DTNB: variants seen among roughly 807,000 people sequenced by gnomAD.
DTNB encodes the protein DTN-B.
A neutral mutation model predicts 90.7 loss-of-function variants in DTNB; 63 were observed. The observed-to-expected ratio is 0.69, with a 90% CI of 0.57 to 0.86. The LOEUF (loss-of-function observed/expected upper bound fraction) is 0.86, where lower values mean the gene tolerates loss of function less well. Among genes scored for constraint, DTNB ranks in the 40% least tolerant of loss-of-function variants. The probability of loss-of-function intolerance (pLI) is 0.00; values close to 1 mark genes in which losing one functional copy is unlikely to be tolerated. For missense variants in DTNB, 744 were observed against 807.1 expected (o/e 0.92, Z 0.95); for synonymous variants, 277 against 286.7 (o/e 0.97, Z 0.34).
intron 12 of DTNB, among the ~76,000 whole-genome samples, chr2:25,434,399 C>CTTTTTTTTTTTTT (rs1179596539): frequency 2.1e-5 from 2 of 95,506 alleles, no homozygotes; most frequent in Non-Finnish European, 4.0e-5. Flanking sequence ...ATGAACTAGT[C>CTTTTTTTTTTTTT]TTTTTTTTTT....
intron 9 of DTNB, among the ~76,000 whole-genome samples, chr2:25,488,921 G>A (rs1431967905): frequency 6.6e-6 from 1 of 152,220 alleles, no homozygotes; most frequent in African/African-American, 2.4e-5. Context: ...AAAGTGCTGG[G>A]GTTACAGGCG....
intron 3 of DTNB, among the ~76,000 whole-genome samples, chr2:25,632,200 A>G (rs1303094107): frequency 6.6e-6 from 1 of 151,454 alleles, no homozygotes; most frequent in African/African-American, 2.4e-5. Context: ...CTCAAAAAAA[A>G]AAAAAAAAAA....
intron 3 of DTNB, among the ~76,000 whole-genome samples, chr2:25,635,728 G>C (rs2076985465): frequency 6.6e-6 from 1 of 152,178 alleles, no homozygotes; most frequent in South Asian, 2.1e-4. Context: ...GGTTTTAGTA[G>C]AAATTGGCAA....
chr2:25,613,429 A>C (rs1445383494), intron 4 of DTNB, among the ~76,000 whole-genome samples: 5 of 152,064 alleles, frequency 3.3e-5, no homozygotes, highest in Admixed American at 1.3e-4. Flanking sequence ...CCCTGTGTCT[A>C]CTGTTCCCAT....
intron 9 of DTNB, among the ~76,000 whole-genome samples, chr2:25,514,029 A>G (rs2074493815): frequency 6.6e-6 from 1 of 152,106 alleles, no homozygotes; most frequent in Admixed American, 6.6e-5. Flanking sequence ...CTTGCTTTCA[A>G]AGAACTTACA....
At chr2:25,458,290 T>A (rs1045027925) in intron 10 of DTNB, among the ~76,000 whole-genome samples, 2 of 152,170 alleles carry the variant, frequency 1.3e-5, no homozygotes, top group Non-Finnish European at 2.9e-5. Flanking sequence ...TATTTTCACA[T>A]TGAAAATCAG....
At chr2:25,396,320 G>A (rs2042343121) in intron 16 of DTNB, among the ~76,000 whole-genome samples, 1 of 152,126 alleles carries the variant, frequency 6.6e-6, no homozygotes, top group South Asian at 2.1e-4. Context: ...AGACCAGCCT[G>A]GCCAACATGG....
intron 16 of DTNB, among the ~76,000 whole-genome samples, chr2:25,400,328 G>C (rs1037290228): frequency 2.6e-5 from 4 of 152,216 alleles, no homozygotes; most frequent in African/African-American, 9.6e-5. Context: ...ATGGAGCACC[G>C]CACTGTGCAA....
chr2:25,505,385 G>C (rs1486634737), intron 9 of DTNB, among the ~76,000 whole-genome samples: 1 of 152,080 alleles, frequency 6.6e-6, no homozygotes, highest in Non-Finnish European at 1.5e-5. Flanking sequence ...ACTTGATGAC[G>C]TGTTAGAAGG....
intron 15 of DTNB, among the ~76,000 whole-genome samples, chr2:25,425,153 T>A (rs1470892742): frequency 6.6e-6 from 1 of 152,190 alleles, no homozygotes; most frequent in Non-Finnish European, 1.5e-5. Flanking sequence ...CATTTTTACA[T>A]AAGATTTTCT....
At chr2:25,460,265 G>C (rs547876570) in intron 10 of DTNB, among the ~76,000 whole-genome samples, 1 of 152,146 alleles carries the variant, frequency 6.6e-6, no homozygotes, top group Admixed American at 6.5e-5. Flanking sequence ...GGTCTGGTGG[G>C]GGATGATAGA....
chr2:25,615,284 C>T (rs1185898090), intron 4 of DTNB, among the ~76,000 whole-genome samples: 1 of 152,122 alleles, frequency 6.6e-6, no homozygotes, highest in East Asian at 1.9e-4. Context: ...TGGAAGCTCT[C>T]CAAACCTAGT....
intron 9 of DTNB, among the ~76,000 whole-genome samples, chr2:25,506,320 T>C (rs926613483): frequency 1.3e-5 from 2 of 152,152 alleles, no homozygotes; most frequent in African/African-American, 4.8e-5. Context: ...ACAGCAATGA[T>C]AAATATTCAA....
At chr2:25,643,282 G>A (rs2078743433) in intron 2 of DTNB, among the ~76,000 whole-genome samples, 1 of 151,914 alleles carries the variant, frequency 6.6e-6, no homozygotes, top group Admixed American at 6.6e-5. Context: ...ACTCATCCTG[G>A]GCATGGCTTC....
chr2:25,542,439 T>C (rs1337734536), intron 8 of DTNB, among the ~76,000 whole-genome samples: 5 of 152,248 alleles, frequency 3.3e-5, no homozygotes. Flanking sequence ...TTCTTCATGT[T>C]TTCATTTATA....
At chr2:25,614,413 T>C (rs2069597787) in intron 4 of DTNB, among the ~76,000 whole-genome samples, 1 of 152,200 alleles carries the variant, frequency 6.6e-6, no homozygotes, top group Non-Finnish European at 1.5e-5. Context: ...TATGATCATA[T>C]GTAGAAAGCT....
intron 2 of DTNB, among the ~76,000 whole-genome samples, chr2:25,640,644 T>A (rs2078055147): frequency 6.6e-6 from 1 of 152,156 alleles, no homozygotes; most frequent in South Asian, 2.1e-4. Flanking sequence ...ATGCAGTAGC[T>A]CACACCTGTA....
At chr2:25,545,914 G>A (rs1232781821) in intron 8 of DTNB, among the ~76,000 whole-genome samples, 5 of 152,206 alleles carry the variant, frequency 3.3e-5, no homozygotes, top group African/African-American at 9.6e-5. Context: ...GAGCCACCGT[G>A]CCCGGCTTAG....
intron 1 of DTNB, among the ~76,000 whole-genome samples, chr2:25,664,705 C>A (rs1168240714): frequency 6.6e-6 from 1 of 152,166 alleles, no homozygotes; most frequent in Non-Finnish European, 1.5e-5. Flanking sequence ...GGTGAGAAGA[C>A]AAGACCGTGC....
Sources: allele counts gnomAD v4.1 joint callset (sites outside exome capture counted in the v4.1 genomes callset), GRCh38; gene constraint gnomAD v4.1.1; transcripts MANE v1.5; gene names NCBI Gene and HGNC (gene_info 2026-07-23, HGNC 2026-07-21).